The following NYAP2 variants were observed in gnomAD, a reference collection of about 807,000 sequenced individuals.
NYAP2 encodes neuronal tyrosine-phosphorylated phosphoinositide-3-kinase adaptor 2, also known as neuronal tyrosine-phosphorylated phosphoinositide-3-kinase adapter 2.
NYAP2 carries 23 observed loss-of-function variants against 50.4 expected under a neutral mutation model. The ratio of observed to expected loss-of-function variants is 0.46; its 90% CI spans 0.33 to 0.65. The LOEUF is 0.65. Among genes scored for constraint, NYAP2 ranks in the 30% least tolerant of loss-of-function variants. The probability of loss-of-function intolerance (pLI) is 0.02; values close to 1 mark genes in which losing one functional copy is unlikely to be tolerated. For synonymous variants in NYAP2, 394 were observed against 365.2 expected (o/e 1.08, Z -0.90); for missense variants, 885 against 861.0 (o/e 1.03, Z -0.35).
At chr2:225,556,478 T>A (rs952037750) in intron 4 of NYAP2, among the ~76,000 whole-genome samples, 11 of 152,312 alleles carry the variant, frequency 7.2e-5, no homozygotes, top group Non-Finnish European at 1.6e-4. Flanking sequence ...CCCCAGGTGA[T>A]AATTTAGGCA....
intron 4 of NYAP2, among the ~76,000 whole-genome samples, chr2:225,550,112 G>A (rs750320849): frequency 2.0e-5 from 3 of 152,134 alleles, no homozygotes; most frequent in African/African-American, 4.8e-5. Flanking sequence ...AAAAAGGTCA[G>A]CAAGTCAGAA....
the NYAP2 span, among the ~76,000 whole-genome samples, chr2:225,692,267 ATTTTC>A: frequency 5.3e-5 from 8 of 152,024 alleles, no homozygotes; most frequent in African/African-American, 1.4e-4. Flanking sequence ...ATTTCAGAGT[ATTTTC>A]TTTTCTCTTT....
chr2:225,628,616 C>T (rs1574718361), intron 6 of NYAP2, among the ~76,000 whole-genome samples: 1 of 152,038 alleles, frequency 6.6e-6, no homozygotes, highest in Non-Finnish European at 1.5e-5. Flanking sequence ...AGCCACTGTG[C>T]CTGGCTCACA....
chr2:225,465,920 C>T (rs1432044737), intron 3 of NYAP2, among the ~76,000 whole-genome samples: 1 of 152,124 alleles, frequency 6.6e-6, no homozygotes, highest in East Asian at 1.9e-4. Context: ...ATGCTCTGTT[C>T]CCTAACATTC....
chr2:225,643,511 G>A lies in NYAP2; in HGVS notation c.1829-7921G>A, dbSNP rs559021111. Among the ~76,000 whole-genome samples the A allele has an allele frequency of 1.8e-3, 269 of 151,178 alleles. 2 individuals are homozygous for A. Among genetic ancestry groups the A allele is most frequent in the African/African-American group, 6.2e-3 (256 of 41,116 alleles). On this transcript the variant is annotated intron_variant, in intron 6 of 6. Transcript: ENST00000636099. ...CACAATGTGCAGGTTAGTTACATAC[G>A]TATACATATGCCATGCTGGTGCGCT...
At chr2:225,556,161 A>G (rs1455780220) in intron 4 of NYAP2, among the ~76,000 whole-genome samples, 2 of 152,182 alleles carry the variant, frequency 1.3e-5, no homozygotes, top group Non-Finnish European at 2.9e-5. Context: ...ATGTTACCAT[A>G]TTGGAAAGCT....
At chr2:225,445,161 T>C (rs556508548) in intron 3 of NYAP2, among the ~76,000 whole-genome samples, 2 of 152,256 alleles carry the variant, frequency 1.3e-5, no homozygotes, top group Non-Finnish European at 2.9e-5. Flanking sequence ...ATGTTTCAAC[T>C]GCTCTAACTA....
At chr2:225,654,232 A>T (rs1693787759), downstream of NYAP2, among the ~76,000 whole-genome samples, 3 of 152,130 alleles carry the variant, frequency 2.0e-5, no homozygotes, top group African/African-American at 7.2e-5. Context: ...AAGGATAGGG[A>T]ACACCTAGCA....
chr2:225,680,060 G>T, the NYAP2 span, among the ~76,000 whole-genome samples: 1,537 of 152,184 alleles, frequency 0.01, 11 homozygotes, highest in South Asian at 0.019. Flanking sequence ...AACATACTAT[G>T]ACTGTTCAGT....
intron 5 of NYAP2, among the ~76,000 whole-genome samples, chr2:225,616,904 C>T (rs1460588312): frequency 6.6e-6 from 1 of 152,192 alleles, no homozygotes; most frequent in East Asian, 1.9e-4. Flanking sequence ...GTCTTTTCTG[C>T]TTAATTAATC....
chr2:225,479,657 T>G (rs1394558926), intron 3 of NYAP2, among the ~76,000 whole-genome samples: 1 of 152,070 alleles, frequency 6.6e-6, no homozygotes, highest in Non-Finnish European at 1.5e-5. Context: ...AGTTTTTTTT[T>G]TTAAATCCAC....
upstream of NYAP2, among the ~76,000 whole-genome samples, chr2:225,398,435 T>G (rs781772854): frequency 6.6e-6 from 1 of 152,074 alleles, no homozygotes; most frequent in African/African-American, 2.4e-5. Flanking sequence ...TCAATAATTT[T>G]TTTTTTGTAA....
chr2:225,574,715 T>C (rs1444780567), intron 4 of NYAP2, among the ~76,000 whole-genome samples: 2 of 151,968 alleles, frequency 1.3e-5, no homozygotes, highest in African/African-American at 4.9e-5. Context: ...ACAAATTGCC[T>C]TGAGAAAGGC....
intron 3 of NYAP2, among the ~76,000 whole-genome samples, chr2:225,466,162 A>G (rs1238394787): frequency 6.6e-6 from 1 of 152,132 alleles, no homozygotes; most frequent in African/African-American, 2.4e-5. Context: ...CATACACAAC[A>G]TTTTCTGAAT....
At chr2:225,449,385 C>G (rs770225352) in intron 3 of NYAP2, among the ~76,000 whole-genome samples, 4 of 152,128 alleles carry the variant, frequency 2.6e-5, no homozygotes, top group Non-Finnish European at 4.4e-5. Context: ...ATATGAAGTA[C>G]TGTCTCCAAG....
chr2:225,510,131 T>A (rs563050935), intron 3 of NYAP2, among the ~76,000 whole-genome samples: 1 of 152,338 alleles, frequency 6.6e-6, no homozygotes, highest in African/African-American at 2.4e-5. Flanking sequence ...CCACAGTTGA[T>A]GTGCATTCAT....
intron 5 of NYAP2, among the ~76,000 whole-genome samples, chr2:225,593,650 G>C (rs1170053201): frequency 6.6e-6 from 1 of 152,086 alleles, no homozygotes; most frequent in African/African-American, 2.4e-5. Flanking sequence ...TTGAAACAAA[G>C]GACCAGGGAA....
chr2:225,601,100 G>A (rs1692682877), intron 5 of NYAP2, among the ~76,000 whole-genome samples: 1 of 151,020 alleles, frequency 6.6e-6, no homozygotes, highest in Non-Finnish European at 1.5e-5. Flanking sequence ...GCTGAATCAT[G>A]TGGGTAGTAA....
intron 3 of NYAP2, among the ~76,000 whole-genome samples, chr2:225,468,602 T>G (rs1475688135): frequency 6.6e-6 from 1 of 152,106 alleles, no homozygotes; most frequent in Non-Finnish European, 1.5e-5. Context: ...CAATGATAAA[T>G]GAAGAAACTT....
Sources: gnomAD v4.1 joint callset for allele counts (sites outside exome capture counted in the v4.1 genomes callset) on GRCh38, gnomAD v4.1.1 for gene constraint, MANE v1.5 for transcripts, NCBI Gene and HGNC (gene_info 2026-07-23, HGNC 2026-07-21) for gene names.